DMD: variants seen among roughly 807,000 people sequenced by gnomAD.
The protein encoded by DMD is mutant dystrophin.
In DMD, 63 loss-of-function variants were observed where a neutral mutation model predicts 330.1. The ratio of observed to expected loss-of-function variants is 0.19; its 90% CI spans 0.16 to 0.24. The LOEUF (loss-of-function observed/expected upper bound fraction) is 0.24. Ranked by LOEUF, DMD falls within the 10% of genes least tolerant of loss-of-function variation. DMD has a pLI of 1.00. For missense variants in DMD, 3,344 were observed against 2,684.1 expected, an observed-to-expected ratio of 1.25 and a Z score of -5.43; for synonymous variants, 1,223 against 959.8, an observed-to-expected ratio of 1.27 and a Z score of -5.07.
intron 48 of DMD, among the ~76,000 whole-genome samples, chrX:31,842,788 T>C (rs1345263069): frequency 1.8e-5 from 2 of 111,755 alleles, no homozygotes; most frequent in South Asian, 7.5e-4. Flanking sequence ...TATTGGGTGA[T>C]ACTGAGGTTT....
intron 60 of DMD, among the ~76,000 whole-genome samples, chrX:31,401,482 T>A (rs768412413): frequency 5.2e-4 from 58 of 112,207 alleles, no homozygotes; most frequent in African/African-American, 1.9e-3. Context: ...CAGCTAACAT[T>A]TATTAAATCC....
intron 7 of DMD, among the ~76,000 whole-genome samples, chrX:32,722,508 C>A (rs939119300): frequency 9.1e-6 from 1 of 110,001 alleles, no homozygotes; most frequent in African/African-American, 3.3e-5. Flanking sequence ...GAACCCATGT[C>A]CCGTGGATAC....
At chrX:32,972,457 G>A (rs1325660800) in intron 2 of DMD, among the ~76,000 whole-genome samples, 3 of 111,774 alleles carry the variant, frequency 2.7e-5, no homozygotes, top group Non-Finnish European at 5.6e-5. Flanking sequence ...TGGGATTACA[G>A]GCATGAGCCA....
At chrX:32,122,944 C>A (rs2096643284) in intron 44 of DMD, among the ~76,000 whole-genome samples, 1 of 109,015 alleles carries the variant, frequency 9.2e-6, no homozygotes, top group Admixed American at 9.9e-5. Context: ...CCAGACTTCA[C>A]CCCTTAATCG....
At chrX:31,584,111 G>C (rs1452946265) in intron 55 of DMD, among the ~76,000 whole-genome samples, 5 of 109,562 alleles carry the variant, frequency 4.6e-5, no homozygotes, top group African/African-American at 1.7e-4. Context: ...TGGCTGCATA[G>C]TATTCCATGG....
At chrX:32,453,593 A>G (rs1301348661) in intron 26 of DMD, among the ~76,000 whole-genome samples, 1 of 110,729 alleles carries the variant, frequency 9.0e-6, no homozygotes, top group Non-Finnish European at 1.9e-5. Flanking sequence ...AATTAAAATA[A>G]TAAATAATGA....
At chrX:31,892,408 T>C (rs772907613) in intron 47 of DMD, among the ~76,000 whole-genome samples, 29 of 110,453 alleles carry the variant, frequency 2.6e-4, no homozygotes, top group Non-Finnish European at 4.9e-4. Context: ...GCCCAGAATA[T>C]GCCTATTTGG....
At chrX:32,625,698 ATG>A (rs2058302745) in intron 11 of DMD, among the ~76,000 whole-genome samples, 1 of 112,544 alleles carries the variant, frequency 8.9e-6, no homozygotes, top group East Asian at 2.8e-4. Context: ...ACATTATAAA[ATG>A]TATAAACATA....
intron 52 of DMD, among the ~76,000 whole-genome samples, chrX:31,700,915 T>C (rs1267123138): frequency 8.9e-6 from 1 of 111,786 alleles, no homozygotes; most frequent in Non-Finnish European, 1.9e-5. Flanking sequence ...GCCTAACATA[T>C]CATTAGATGA....
chrX:32,352,739 T>C, intron 37 of DMD, among the ~76,000 whole-genome samples: 1 of 111,154 alleles, frequency 9.0e-6, no homozygotes, highest in Non-Finnish European at 1.9e-5. Context: ...CATTATGTGT[T>C]CTGAGTGAAA....
intron 7 of DMD, among the ~76,000 whole-genome samples, chrX:32,793,120 G>A (rs2148643447): frequency 9.0e-6 from 1 of 111,514 alleles, no homozygotes; most frequent in South Asian, 3.7e-4. Flanking sequence ...AAAACACAAG[G>A]AAATAACAAA....
At chrX:31,451,823 T>C (rs1412366780) in intron 59 of DMD, among the ~76,000 whole-genome samples, 1 of 102,954 alleles carries the variant, frequency 9.7e-6, no homozygotes, top group African/African-American at 3.8e-5. Flanking sequence ...ATTATGCCAT[T>C]GAAACGTACT....
chrX:32,815,383 AAC>A (rs2077653362), intron 6 of DMD, among the ~76,000 whole-genome samples: 1 of 106,587 alleles, frequency 9.4e-6, no homozygotes, highest in Non-Finnish European at 1.9e-5. Context: ...TGACATTTTA[AAC>A]AGTTAATTAG....
intron 1 of DMD, among the ~76,000 whole-genome samples, chrX:33,157,586 C>T (rs1026440669): frequency 2.7e-5 from 3 of 112,306 alleles, no homozygotes; most frequent in Admixed American, 1.9e-4. Context: ...TTTTCAACTC[C>T]ACTACTCAAC....
intron 1 of DMD, among the ~76,000 whole-genome samples, chrX:33,111,002 A>C (rs2095335377): frequency 9.0e-6 from 1 of 111,421 alleles, no homozygotes; most frequent in African/African-American, 3.3e-5. Context: ...GGCACTGTGT[A>C]TATTCTTTTG....
chrX:31,230,451 A>T (rs746527108), intron 63 of DMD, among the ~76,000 whole-genome samples: 41 of 110,865 alleles, frequency 3.7e-4, no homozygotes, highest in Non-Finnish European at 7.6e-4. Flanking sequence ...GTTCGAGAGC[A>T]GCCTGGCCAA....
chrX:32,801,977 G>A (rs903171479), intron 7 of DMD, among the ~76,000 whole-genome samples: 1 of 111,873 alleles, frequency 8.9e-6, no homozygotes, highest in African/African-American at 3.2e-5. Flanking sequence ...GCTTAGGATG[G>A]TTTTGGCAAT....
chrX:31,141,000 G>T (rs1194381310), intron 76 of DMD, among the ~76,000 whole-genome samples: 1 of 111,047 alleles, frequency 9.0e-6, no homozygotes, highest in Non-Finnish European at 1.9e-5. Flanking sequence ...AGAACAGCCT[G>T]GCCAACATGG....
Position 32,816,648 on chromosome X carries a change from T to C in DMD, c.358-8A>G, listed in dbSNP as rs1300529512. 1.7e-6 allele frequency: 2 copies of C among 1,207,085 alleles called. No individual in the cohort carries two copies. The highest frequency in any genetic ancestry group is 2.2e-6 in the Non-Finnish European group (2 of 892,442). ...TTTCATTACATTTTTGACCTACATG[T>C]GGAAATAAATTTTCATAAGAAAATG... On this transcript the variant is annotated splice_polypyrimidine_tract_variant and splice_region_variant and intron_variant, in intron 5 of 78. Transcript: ENST00000357033.
Sources: allele counts gnomAD v4.1 joint callset (sites outside exome capture counted in the v4.1 genomes callset), GRCh38; gene constraint gnomAD v4.1.1; transcripts MANE v1.5; gene names NCBI Gene and HGNC (gene_info 2026-07-23, HGNC 2026-07-21).